Variants in EHD4 observed in about 807,000 individuals in gnomAD.
EHD4 encodes EH domain containing 4, also known as EH domain-containing protein 4.
A neutral mutation model predicts 51.0 loss-of-function variants in EHD4; 37 were observed. The observed-to-expected ratio is 0.73, with a 90% CI of 0.56 to 0.95. The LOEUF is 0.95. Among genes scored for constraint, EHD4 ranks in the 40% least tolerant of loss-of-function variants. EHD4 has a pLI of 0.00. For synonymous variants in EHD4, 297 were observed against 317.3 expected (o/e 0.94, Z 0.68); for missense variants, 632 against 733.1 (o/e 0.86, Z 1.59).
Position 41,900,621 on chromosome 15 carries a change from C to T in EHD4, c.*24G>A. The T allele has an allele frequency of 6.5e-7, 1 of 1,549,410 alleles. No individual in the cohort carries two copies. The highest frequency in any genetic ancestry group is 8.7e-7 in the Non-Finnish European group (1 of 1,151,688). On this transcript the variant is annotated 3_prime_UTR_variant, in exon 6 of 6. Transcript: ENST00000220325. This position sits in a 1 kb window ranked among gnomAD's most constrained non-coding sequence, Gnocchi z 4.8. ...GCCTGAGGCCCAGGTCCCCCAGTTC[C>T]CACCCCGTTCTGCAGCCCACCCCTC...
intron 3 of EHD4, among the ~76,000 whole-genome samples, chr15:41,925,242 C>T (rs2067653778): frequency 6.6e-6 from 1 of 152,158 alleles, no homozygotes; most frequent in Non-Finnish European, 1.5e-5. Flanking sequence ...CAAGGGGCTA[C>T]ATACCTAAGC....
chr15:41,969,317 C>A (rs113105634), intron 1 of EHD4, among the ~76,000 whole-genome samples: 1 of 152,128 alleles, frequency 6.6e-6, no homozygotes, highest in Non-Finnish European at 1.5e-5. Flanking sequence ...GAGGCCAAGG[C>A]GGGCAAATCA....
At chr15:41,955,598 T>C (rs2067882362) in intron 1 of EHD4, among the ~76,000 whole-genome samples, 1 of 152,176 alleles carries the variant, frequency 6.6e-6, no homozygotes, top group Non-Finnish European at 1.5e-5. Flanking sequence ...GTGCTACCGT[T>C]TCAAAATGTG....
intron 4 of EHD4, among the ~76,000 whole-genome samples, chr15:41,917,096 CTTAT>C (rs56087855): frequency 0.26 from 37,267 of 141,580 alleles, 4,930 homozygotes; most frequent in Middle Eastern, 0.43. Flanking sequence ...CTTTCTGCTC[CTTAT>C]TTATTTATTT....
chr15:41,964,144 CAAAAAAAAAAAA>C (rs755699829), intron 1 of EHD4, among the ~76,000 whole-genome samples: 206 of 26,564 alleles, frequency 7.8e-3, no homozygotes, highest in Non-Finnish European at 0.013. Context: ...GACTCCATCT[CAAAAAAAAAAAA>C]AAAAAAAAAA....
intron 3 of EHD4, 132 bp from the exon 4 acceptor site, chr15:41,919,754 G>T: frequency 1.2e-6 from 1 of 862,316 alleles, no homozygotes; most frequent in Non-Finnish European, 1.6e-6. Flanking sequence ...AGGCAGTGGA[G>T]GCCTGGTGAC....
intron 3 of EHD4, among the ~76,000 whole-genome samples, chr15:41,935,302 G>A (rs1344268718): frequency 6.6e-6 from 1 of 152,110 alleles, no homozygotes; most frequent in Non-Finnish European, 1.5e-5. Context: ...CCTAGTATAT[G>A]CTTCATGAAG....
At chr15:41,925,447 C>T (rs184116197) in intron 3 of EHD4, among the ~76,000 whole-genome samples, 84 of 152,320 alleles carry the variant, frequency 5.5e-4, no homozygotes, top group African/African-American at 1.9e-3. Context: ...CACAATGCAA[C>T]GTGGCCTGGG....
chr15:41,898,027 C>G lies in EHD4; in HGVS notation c.*2618G>C, dbSNP rs1050161483. On this transcript the variant is annotated 3_prime_UTR_variant, in exon 6 of 6. Coordinates refer to ENST00000220325, the MANE Select transcript of EHD4 (RefSeq NM_139265.4). ...ACTTTGTACTGGTCCTGGGAAGATA[C>G]AAGTCCTCACTTGGTCGCCATCCCT... 1.3e-5 allele frequency: 2 copies of G among 152,250 alleles called. No homozygotes were observed. Among genetic ancestry groups the G allele is most frequent in the South Asian group, 4.1e-4 (2 of 4,834 alleles). 9.4% of individuals were successfully genotyped at this position (152,250 alleles called of 1,614,324 possible). A position where few individuals can be genotyped will look rare whatever the true frequency, so the allele number is the denominator to read the frequency against.
chr15:41,900,846 C>T lies in EHD4; in HGVS notation c.1425G>A (p.Val475=). 1 of 1,614,186 alleles carries T rather than the reference C, an allele frequency of 6.2e-7. No individual in the cohort carries two copies. Among genetic ancestry groups the T allele is most frequent in the Non-Finnish European group, 8.5e-7 (1 of 1,180,042 alleles). The part of the protein sequence containing the change: ...ISGVNAKKEM[V]TSKLPNSVLG... ...GGACGCTGTTGGGCAGCTTGGAGGT[C>T]ACCATCTCCTTCTTGGCGTTGACAC... Residue 475 remains valine (V), a synonymous_variant, in exon 6 of 6, where the codon GTG becomes GTA. Coordinates refer to ENST00000220325, the MANE Select transcript of EHD4 (RefSeq NM_139265.4). This position sits in a 1 kb window ranked among gnomAD's most constrained non-coding sequence, Gnocchi z 4.8.
intron 3 of EHD4, among the ~76,000 whole-genome samples, chr15:41,932,254 C>G (rs1228999413): frequency 6.6e-6 from 1 of 152,172 alleles, no homozygotes; most frequent in Non-Finnish European, 1.5e-5. Flanking sequence ...GTGGGAAAAT[C>G]AAGACACAGG....
chr15:41,935,767 T>C (rs1397280806), intron 3 of EHD4, among the ~76,000 whole-genome samples: 1 of 152,222 alleles, frequency 6.6e-6, no homozygotes, highest in East Asian at 1.9e-4. Flanking sequence ...GCTTAAACAA[T>C]AACTTCTATT....
At chr15:41,927,073 C>G (rs1034949348) in intron 3 of EHD4, among the ~76,000 whole-genome samples, 1 of 152,182 alleles carries the variant, frequency 6.6e-6, no homozygotes, top group Non-Finnish European at 1.5e-5. Flanking sequence ...GGGATAGAGT[C>G]TTATAGCTTT....
At chr15:41,949,051 TACAC>T (rs1168501155) in intron 2 of EHD4, among the ~76,000 whole-genome samples, 1 of 109,432 alleles carries the variant, frequency 9.1e-6, no homozygotes, top group Non-Finnish European at 1.8e-5. Context: ...TATATATATA[TACAC>T]ACATACACAC....
At chr15:41,918,141 C>T (rs766341590) in intron 4 of EHD4, among the ~76,000 whole-genome samples, 7 of 152,108 alleles carry the variant, frequency 4.6e-5, no homozygotes, top group African/African-American at 7.2e-5. Context: ...TGGCCAGGCA[C>T]GTAGTCACCC....
intron 4 of EHD4, among the ~76,000 whole-genome samples, chr15:41,917,367 C>A (rs1452668258): frequency 6.6e-6 from 1 of 152,148 alleles, no homozygotes; most frequent in African/African-American, 2.4e-5. Flanking sequence ...GATCCACCCG[C>A]CTCCGACTCC....
chr15:41,903,024 A>G (rs1422313839), intron 5 of EHD4, among the ~76,000 whole-genome samples: 2 of 151,828 alleles, frequency 1.3e-5, no homozygotes, highest in Non-Finnish European at 2.9e-5. Context: ...CTGAACTGCG[A>G]GAGTTACCTA....
chr15:41,962,356 A>C (rs2067929484), intron 1 of EHD4, among the ~76,000 whole-genome samples: 1 of 152,230 alleles, frequency 6.6e-6, no homozygotes, highest in Non-Finnish European at 1.5e-5. Flanking sequence ...AAAATTATTA[A>C]AAAGTATTTC....
chr15:41,969,970 C>T (rs1037130687), intron 1 of EHD4, among the ~76,000 whole-genome samples: 6 of 152,254 alleles, frequency 3.9e-5, no homozygotes, highest in Middle Eastern at 3.4e-3. Context: ...AGGGCCCAAT[C>T]GCTAGAAGCA....
Sources: allele counts gnomAD v4.1 joint callset (sites outside exome capture counted in the v4.1 genomes callset), GRCh38; gene constraint gnomAD v4.1.1; non-coding constraint Gnocchi (gnomAD v3.1); transcripts MANE v1.5; gene names NCBI Gene and HGNC (gene_info 2026-07-23, HGNC 2026-07-21).